LRRC4C: variants seen among roughly 807,000 people sequenced by gnomAD.
The protein encoded by LRRC4C is leucine-rich repeat-containing protein 4C.
A neutral mutation model predicts 33.6 loss-of-function variants in LRRC4C; 5 were observed. That is an observed-to-expected ratio of 0.15 (90% confidence interval 0.08 to 0.31). The LOEUF (loss-of-function observed/expected upper bound fraction) is 0.31. LRRC4C is among the 10% of genes least tolerant of loss of function. LRRC4C has a pLI of 1.00. For synonymous variants in LRRC4C, 329 were observed against 302.0 expected (o/e 1.09, Z -0.93); for missense variants, 560 against 796.7 (o/e 0.70, Z 3.58).
chr11:40,221,062 G>C (rs1310321426), intron 5 of LRRC4C, among the ~76,000 whole-genome samples: 1 of 151,948 alleles, frequency 6.6e-6, no homozygotes, highest in African/African-American at 2.4e-5. Context: ...TTTTAGTAGA[G>C]ACGGGGTTTC....
chr11:40,332,979 C>T (rs1477483970), intron 3 of LRRC4C, among the ~76,000 whole-genome samples: 1 of 152,278 alleles, frequency 6.6e-6, no homozygotes, highest in East Asian at 1.9e-4. Flanking sequence ...ATGTTTATCA[C>T]ACATAAATAT....
intron 1 of LRRC4C, among the ~76,000 whole-genome samples, chr11:41,131,661 T>C (rs1297154533): frequency 6.6e-6 from 1 of 152,034 alleles, no homozygotes; most frequent in Non-Finnish European, 1.5e-5. Flanking sequence ...TTAGGCATTC[T>C]TAGTCAAGGG....
chr11:41,049,648 T>A (rs569909634), intron 1 of LRRC4C, among the ~76,000 whole-genome samples: 188 of 152,296 alleles, frequency 1.2e-3, no homozygotes, highest in Middle Eastern at 3.4e-3. Context: ...AAGAGAAGCG[T>A]ACAGATTTAA....
intron 3 of LRRC4C, among the ~76,000 whole-genome samples, chr11:40,536,131 C>G (rs1956460806): frequency 6.6e-6 from 1 of 152,152 alleles, no homozygotes; most frequent in African/African-American, 2.4e-5. Flanking sequence ...AAATGCAATT[C>G]TTAGGCTCTT....
rs192485191 is a variant in LRRC4C, at chr11:40,245,920, T to C, written c.-175-4322A>G. Among the ~76,000 whole-genome samples the C allele has an allele frequency of 2.0e-5, 3 of 152,098 alleles. No individual in the cohort carries two copies. The East Asian group carries it at 5.8e-4, about 29-fold the overall frequency. On this transcript the variant is annotated intron_variant, in intron 4 of 6. Coordinates refer to ENST00000528697, the MANE Select transcript of LRRC4C (RefSeq NM_001258419.2). The stretch of plus-strand genomic sequence containing the variant: ...TTCAACTTTAGGTATTTGAGAACTG[T>C]TAATTTATGTTAAAATTCTTAGATA...
chr11:41,186,789 G>A (rs993544387), intron 1 of LRRC4C, among the ~76,000 whole-genome samples: 1 of 152,054 alleles, frequency 6.6e-6, no homozygotes, highest in Non-Finnish European at 1.5e-5. Context: ...TCACAGTGAT[G>A]GATTCTTTCA....
intron 1 of LRRC4C, among the ~76,000 whole-genome samples, chr11:41,228,601 T>C (rs945782159): frequency 1.3e-5 from 2 of 152,164 alleles, no homozygotes; most frequent in Non-Finnish European, 2.9e-5. Context: ...TATTTGTTTT[T>C]AATTAAACAA....
chr11:40,588,355 A>G (rs1958863304), intron 3 of LRRC4C, among the ~76,000 whole-genome samples: 1 of 151,642 alleles, frequency 6.6e-6, no homozygotes, highest in East Asian at 1.9e-4. Context: ...CGTCTATTTG[A>G]TTATTCTCTC....
chr11:40,205,374 G>A (rs1055213887), intron 5 of LRRC4C, among the ~76,000 whole-genome samples: 4 of 152,204 alleles, frequency 2.6e-5, no homozygotes, highest in African/African-American at 9.6e-5. Context: ...TGTGAGGTTT[G>A]AGCAGCCCAG....
chr11:41,232,400 C>T (rs765393286), intron 1 of LRRC4C, among the ~76,000 whole-genome samples: 9 of 152,038 alleles, frequency 5.9e-5, no homozygotes, highest in African/African-American at 7.2e-5. Flanking sequence ...GTTAGTGGCA[C>T]TTGTTTCCCA....
At chr11:41,163,282 C>CTTTTTTTTTT (rs1207086558) in intron 1 of LRRC4C, among the ~76,000 whole-genome samples, 1 of 18,530 alleles carries the variant, frequency 5.4e-5, no homozygotes, top group African/African-American at 1.1e-4. Flanking sequence ...TTTACTGTAA[C>CTTTTTTTTTT]TGTTTTTTTT....
chr11:40,910,105 C>A (rs1418540738), intron 2 of LRRC4C, among the ~76,000 whole-genome samples: 3 of 152,028 alleles, frequency 2.0e-5, no homozygotes, highest in African/African-American at 7.2e-5. Context: ...TCTATACAAT[C>A]TGATAGGAAT....
chr11:41,246,688 C>T (rs1195689547), intron 1 of LRRC4C, among the ~76,000 whole-genome samples: 1 of 152,130 alleles, frequency 6.6e-6, no homozygotes, highest in Non-Finnish European at 1.5e-5. Context: ...TTTAGAATAG[C>T]CTGTCATCTT....
chr11:41,157,511 C>G (rs1944286906), intron 1 of LRRC4C, among the ~76,000 whole-genome samples: 1 of 152,130 alleles, frequency 6.6e-6, no homozygotes, highest in African/African-American at 2.4e-5. Flanking sequence ...ATTTCCTCAG[C>G]AGGATATACT....
chr11:41,010,282 T>C (rs1183609988), intron 1 of LRRC4C, among the ~76,000 whole-genome samples: 2 of 152,196 alleles, frequency 1.3e-5, no homozygotes, highest in Admixed American at 6.5e-5. Context: ...TTAGTCACCT[T>C]TGCTGCCTTT....
chr11:41,027,894 C>G (rs1456186499), intron 1 of LRRC4C, among the ~76,000 whole-genome samples: 1 of 151,560 alleles, frequency 6.6e-6, no homozygotes, highest in Non-Finnish European at 1.5e-5. Context: ...TCAAGTACCA[C>G]TGGAATGGTG....
At chr11:40,530,333 A>G (rs1040434690) in intron 3 of LRRC4C, among the ~76,000 whole-genome samples, 1 of 152,140 alleles carries the variant, frequency 6.6e-6, no homozygotes, top group African/African-American at 2.4e-5. Context: ...AAAAGTAAAC[A>G]TGAATTTATA....
intron 5 of LRRC4C, among the ~76,000 whole-genome samples, chr11:40,236,483 A>C (rs1865567406): frequency 6.6e-6 from 1 of 152,174 alleles, no homozygotes; most frequent in Non-Finnish European, 1.5e-5. Flanking sequence ...TCTTTATTTC[A>C]TGGGCATAGA....
At chr11:40,200,781 A>AG (rs1445360239) in intron 5 of LRRC4C, among the ~76,000 whole-genome samples, 2 of 149,822 alleles carry the variant, frequency 1.3e-5, no homozygotes, top group African/African-American at 4.9e-5. Flanking sequence ...AAAAAAAAAA[A>AG]AAAAAAAGAA....
Sources: allele counts gnomAD v4.1 joint callset (sites outside exome capture counted in the v4.1 genomes callset), GRCh38; gene constraint gnomAD v4.1.1; transcripts MANE v1.5; gene names NCBI Gene and HGNC (gene_info 2026-07-23, HGNC 2026-07-21).